Variants in SMN2 observed in about 807,000 individuals in gnomAD.
SMN2 encodes the protein survival motor neuron protein.
Under a neutral mutation model 2.8 loss-of-function variants are expected in SMN2, and 1 was observed. That is an observed-to-expected ratio of 0.35 (90% CI 0.13 to 1.68). The LOEUF (loss-of-function observed/expected upper bound fraction) is 1.68, where lower values mean the gene tolerates loss of function less well. Among genes scored for constraint, SMN2 ranks in the 40% most tolerant of loss-of-function variants. The pLI, the probability that SMN2 is intolerant of heterozygous loss-of-function variation, is 0.35. For synonymous variants in SMN2, 5 were observed against 5.0 expected (o/e 0.99, Z 0.01); for missense variants, 12 against 16.9 (o/e 0.71, Z 0.51).
intron 1 of SMN2, among the ~76,000 whole-genome samples, chr5:70,052,197 A>G (rs1561414670): frequency 1.4e-5 from 2 of 141,960 alleles, no homozygotes; most frequent in African/African-American, 5.0e-5. Flanking sequence ...CCTCAAAAAA[A>G]AAAAAAAAGA....
chr5:70,074,594 G>A (rs1257123806), intron 7 of SMN2, among the ~76,000 whole-genome samples: 9 of 126,064 alleles, frequency 7.1e-5, no homozygotes, highest in African/African-American at 2.3e-4. Context: ...GGTGAGCCGA[G>A]ATCACCTCAT....
intron 1 of SMN2, among the ~76,000 whole-genome samples, chr5:70,052,919 C>T (rs1774495750): frequency 8.1e-6 from 1 of 123,222 alleles, no homozygotes; most frequent in African/African-American, 2.9e-5. Flanking sequence ...GATCAATGTA[C>T]TGCCAGTCCT....
At chr5:70,085,438 T>C in the SMN2 span, among the ~76,000 whole-genome samples, 1 of 128,858 alleles carries the variant, frequency 7.8e-6, no homozygotes, top group Non-Finnish European at 1.6e-5. Flanking sequence ...AGGTGGGGTT[T>C]TACCATGTTG....
At chr5:70,083,268 C>G (rs2112505018), downstream of SMN2, among the ~76,000 whole-genome samples, 1 of 117,946 alleles carries the variant, frequency 8.5e-6, no homozygotes, top group East Asian at 2.4e-4. Context: ...CTGAGGAGAG[C>G]TTTACTTCCA....
At chr5:70,079,758 C>CA (rs543527450), downstream of SMN2, among the ~76,000 whole-genome samples, 12,778 of 97,362 alleles carry the variant, frequency 0.13, 671 homozygotes, top group Non-Finnish European at 0.16. Flanking sequence ...GACCCTGTCT[C>CA]AAAAAAAAAA....
downstream of SMN2, among the ~76,000 whole-genome samples, chr5:70,079,451 A>AAAC (rs1183353236): frequency 1.4e-5 from 2 of 146,394 alleles, no homozygotes; most frequent in African/African-American, 5.1e-5. Context: ...AAAAAAAAAA[A>AAAC]CACGTTACTA....
chr5:70,083,547 C>G, the SMN2 span, among the ~76,000 whole-genome samples: 3 of 136,352 alleles, frequency 2.2e-5, no homozygotes, highest in South Asian at 2.2e-4. Context: ...GACTTGGAAC[C>G]AACCCAAACG....
In SMN2 at chr5:70,076,522, GT is replaced by G; in HGVS notation, c.840del (p.Phe280LeufsTer14). On this transcript the variant is annotated frameshift_variant and splice_region_variant, in exon 8 of 9. Transcript: ENST00000380743. LOFTEE classifies it high-confidence loss of function. ...MSGYHTGYYMGFRQNQKEGRC... is the reference protein window; with the variant it reads ...MSGYHTGYYMXFRQNQKEGRC... ...TAACTTCCTTTATTTTCCTTACAGGGTTTTAGACAAAATCAAAAAGAAGGAA... is the reference window on the plus strand; with the variant it reads ...TAACTTCCTTTATTTTCCTTACAGGGTTTAGACAAAATCAAAAAGAAGGAA... 2.7e-6 allele frequency: 4 copies of G among 1,461,308 alleles called. 2 individuals carry two copies. The highest frequency in any genetic ancestry group is 3.7e-6 in the Non-Finnish European group (4 of 1,076,080). The allele number at this position is 1,461,308 out of a possible 1,614,324, so 90.5% of individuals were successfully genotyped here.
the SMN2 span, among the ~76,000 whole-genome samples, chr5:70,083,940 C>T: frequency 8.3e-6 from 1 of 119,998 alleles, no homozygotes; most frequent in Non-Finnish European, 1.6e-5. Context: ...TACCCTAAAA[C>T]TTAAAGTATA....
the SMN2 span, among the ~76,000 whole-genome samples, chr5:70,084,483 G>A: frequency 1.5e-5 from 2 of 136,460 alleles, no homozygotes; most frequent in African/African-American, 6.2e-5. Context: ...CACCGTGCCC[G>A]ACCTACATTT....
downstream of SMN2, among the ~76,000 whole-genome samples, chr5:70,083,374 C>T (rs1387843334): frequency 2.9e-5 from 4 of 136,512 alleles, no homozygotes; most frequent in African/African-American, 6.2e-5. Context: ...CTGCTTCAAC[C>T]ACTGTGGAAG....
At chr5:70,074,503 C>T (rs1477337991) in intron 7 of SMN2, among the ~76,000 whole-genome samples, 2 of 99,642 alleles carry the variant, frequency 2.0e-5, no homozygotes, top group Non-Finnish European at 4.2e-5. Context: ...ATTAGGCGGG[C>T]GTGGTGGTGC....
At chr5:70,074,851 G>A (rs1294480516) in intron 7 of SMN2, among the ~76,000 whole-genome samples, 1 of 119,288 alleles carries the variant, frequency 8.4e-6, no homozygotes, top group Non-Finnish European at 1.7e-5. Context: ...AACTAGCCGG[G>A]CATGGTGGCG....
rs188804168 is a variant in SMN2, at chr5:70,075,629, C to T, written c.835-892C>T. Reference sequence around the variant, plus strand: ...TCCAAAAGTGCAAGGCAAGGCATTACAGGCATGAGCCACTGTGACCGGCAA... The same window carrying T: ...TCCAAAAGTGCAAGGCAAGGCATTATAGGCATGAGCCACTGTGACCGGCAA... On this transcript the variant is annotated intron_variant, in intron 7 of 8. Transcript: ENST00000380743. Among the ~76,000 whole-genome samples the T allele has an allele frequency of 3.5e-4, 42 of 119,788 alleles. 11 individuals carry two copies. The highest frequency in any genetic ancestry group is 5.2e-4 in the Non-Finnish European group (29 of 55,354). 78.6% of individuals were successfully genotyped at this position (119,788 alleles called of 152,430 possible). A position where few individuals can be genotyped will look rare whatever the true frequency, so the allele number is the denominator to read the frequency against.
chr5:70,071,088 C>CTTTT (rs1164147978), intron 7 of SMN2: 4 of 52,076 alleles, frequency 7.7e-5, no homozygotes, highest in South Asian at 5.6e-4. Flanking sequence ...AAATGAAATT[C>CTTTT]TTTTTTTTTT....
chr5:70,083,230 T>C (rs1042655000), downstream of SMN2, among the ~76,000 whole-genome samples: 19 of 100,908 alleles, frequency 1.9e-4, 1 homozygote, highest in African/African-American at 9.9e-4. Flanking sequence ...AGAGACAGTT[T>C]GTTATAATTT....
rs555810628 is a variant in SMN2, at chr5:70,075,538, G to A, written c.835-983G>A. Among the ~76,000 whole-genome samples the A allele has an allele frequency of 5.8e-3, 712 of 123,264 alleles. 182 individuals are homozygous for A. Among genetic ancestry groups the A allele is most frequent in the African/African-American group, 0.018 (532 of 29,876 alleles). The allele number at this position is 123,264 out of a possible 152,430, so 80.9% of individuals were successfully genotyped here. On this transcript the variant is annotated intron_variant, in intron 7 of 8. Transcript: ENST00000380743. Reference sequence around the variant, plus strand: ...CTAGTCTTGTATTTTTAGTAGAGTCGGGATTTCTCCATGTTGGTCAGGCTG... The same window carrying A: ...CTAGTCTTGTATTTTTAGTAGAGTCAGGATTTCTCCATGTTGGTCAGGCTG...
At position 70,075,017 on chromosome 5, in the gene SMN2, T is replaced by G. The variant is rs1247374237; in HGVS notation, c.835-1504T>G. On this transcript the variant is annotated intron_variant, in intron 7 of 8. Coordinates refer to ENST00000380743, the MANE Select transcript of SMN2 (RefSeq NM_017411.4). ...CAAAAAAAAAAGGAAGAAAAATATT[T>G]TTTTAAATTAATTAGTTTATTTATT... is the stretch of plus-strand genomic sequence containing the variant. 1.6e-5 allele frequency among the ~76,000 whole-genome samples: 2 copies of G among 125,546 alleles called. 1 individual carries two copies. Among genetic ancestry groups the G allele is most frequent in the Admixed American group, 1.6e-4 (2 of 12,432 alleles). The allele number at this position is 125,546 out of a possible 152,430, so 82.4% of individuals were successfully genotyped here.
At chr5:70,083,695 C>T in the SMN2 span, among the ~76,000 whole-genome samples, 4 of 131,666 alleles carry the variant, frequency 3.0e-5, 1 homozygote, top group East Asian at 4.3e-4. Context: ...AGTAAACTAT[C>T]GCAAGGACAA....
Sources: allele counts gnomAD v4.1 joint callset (sites outside exome capture counted in the v4.1 genomes callset), GRCh38; gene constraint gnomAD v4.1.1; transcripts MANE v1.5; gene names NCBI Gene and HGNC (gene_info 2026-07-23, HGNC 2026-07-21).